Variants in GABBR2 observed in about 807,000 individuals in gnomAD.
The protein encoded by GABBR2 is gamma-aminobutyric acid type B receptor subunit 2.
A neutral mutation model predicts 105.6 loss-of-function variants in GABBR2; 23 were observed. The ratio of observed to expected loss-of-function variants is 0.22; its 90% CI spans 0.16 to 0.31. The LOEUF (loss-of-function observed/expected upper bound fraction) is 0.31. Ranked by LOEUF, GABBR2 falls within the 10% of genes least tolerant of loss-of-function variation. GABBR2 has a pLI of 1.00. For missense variants in GABBR2, 734 were observed against 1,245.5 expected (o/e 0.59, Z 6.18); for synonymous variants, 478 against 499.7 (o/e 0.96, Z 0.58).
intron 7 of GABBR2, among the ~76,000 whole-genome samples, chr9:98,410,120 A>ATTTTTTTTTTTTTT (rs564055730): frequency 7.5e-5 from 11 of 147,324 alleles, no homozygotes; most frequent in African/African-American, 2.8e-4. Context: ...TTGAGCTGGA[A>ATTTTTTTTTTTTTT]TTTTTTTTTT....
chr9:98,455,538 A>ATTGG (rs564259448), intron 6 of GABBR2, among the ~76,000 whole-genome samples: 1 of 152,240 alleles, frequency 6.6e-6, no homozygotes, highest in Non-Finnish European at 1.5e-5. Flanking sequence ...GACATGTCCA[A>ATTGG]GGTTACACAG....
chr9:98,305,974 A>C (rs556466964), intron 15 of GABBR2, 147 bp downstream of exon 15: 2 of 636,546 alleles, frequency 3.1e-6, no homozygotes, highest in South Asian at 4.0e-5. Flanking sequence ...ACTACTGTGC[A>C]TTTTCTGAAT....
chr9:98,293,106 C>T lies in GABBR2; in HGVS notation c.2660+679G>A, dbSNP rs1056789573. Among the ~76,000 whole-genome samples the T allele has an allele frequency of 3.9e-5, 6 of 152,148 alleles. No individual in the cohort carries two copies. In the East Asian group the frequency reaches 1.2e-3, roughly 29 times the overall value. The stretch of plus-strand genomic sequence containing the variant: ...CTCATTGCTTGTCACTTCCAGAGGC[C>T]AAGTTTCAAAGTTTGTATTTCCAGC... On this transcript the variant is annotated intron_variant, in intron 18 of 18. Transcript: ENST00000259455.
rs757643446 is a variant in GABBR2, at chr9:98,362,678, T to A, written c.1893+37A>T. On this transcript the variant is annotated intron_variant, in intron 13 of 18. Transcript: ENST00000259455. ...CTGTCCTCATGTGCCAGGGGCTGCA[T>A]CTGCAGGCTTCCCTCCTGCCGGCAT... is the stretch of plus-strand genomic sequence containing the variant. 3.4e-6 allele frequency: 5 copies of A among 1,465,994 alleles called. No individual in the cohort carries two copies. In the South Asian group the frequency reaches 6.3e-5, roughly 18 times the overall value. 90.8% of individuals were successfully genotyped at this position (1,465,994 alleles called of 1,614,324 possible). A position where few individuals can be genotyped will look rare whatever the true frequency, so the allele number is the denominator to read the frequency against.
At chr9:98,580,946 T>G (rs1261624090) in intron 1 of GABBR2, 2 of 152,336 alleles carry the variant, frequency 1.3e-5, no homozygotes, top group African/African-American at 4.8e-5. Flanking sequence ...GACCGCTATA[T>G]GGGAGCAGAG....
chr9:98,596,848 G>A (rs1829243011), intron 1 of GABBR2, among the ~76,000 whole-genome samples: 1 of 152,152 alleles, frequency 6.6e-6, no homozygotes, highest in Non-Finnish European at 1.5e-5. Context: ...GCAGGCAGCA[G>A]GTAAGACCTC....
intron 1 of GABBR2, among the ~76,000 whole-genome samples, chr9:98,609,321 T>G (rs910129505): frequency 6.6e-6 from 1 of 152,194 alleles, no homozygotes; most frequent in Admixed American, 6.5e-5. Flanking sequence ...ACAGTCATCT[T>G]GCAGTTGGCA....
intron 1 of GABBR2, among the ~76,000 whole-genome samples, chr9:98,604,025 G>C (rs545119048): frequency 6.6e-6 from 1 of 152,332 alleles, no homozygotes; most frequent in African/African-American, 2.4e-5. Context: ...GGTTTTGACA[G>C]CTGGAAGCTG....
intron 2 of GABBR2, among the ~76,000 whole-genome samples, chr9:98,557,539 G>A (rs1828607850): frequency 6.6e-6 from 1 of 152,086 alleles, no homozygotes; most frequent in Admixed American, 6.6e-5. Flanking sequence ...TCAAAATCTT[G>A]CAAAGTACTG....
At position 98,624,197 on chromosome 9, in the gene GABBR2, A is replaced by G. The variant is rs964382198; in HGVS notation, c.322-46125T>C. 2.0e-5 allele frequency among the ~76,000 whole-genome samples: 3 copies of G among 152,218 alleles called. No homozygotes were observed. The East Asian group carries it at 5.8e-4, about 29-fold the overall frequency. On this transcript the variant is annotated intron_variant, in intron 1 of 18. Coordinates refer to ENST00000259455, the MANE Select transcript of GABBR2 (RefSeq NM_005458.8). Reference sequence around the variant, plus strand: ...TGGACCAGGTCCTGAGGGGTGTGCAATGTGAGCCCCACGAAGATCTGGCCT... The same window carrying G: ...TGGACCAGGTCCTGAGGGGTGTGCAGTGTGAGCCCCACGAAGATCTGGCCT...
intron 2 of GABBR2, among the ~76,000 whole-genome samples, chr9:98,566,276 C>T (rs1042185254): frequency 6.6e-6 from 1 of 152,118 alleles, no homozygotes; most frequent in Non-Finnish European, 1.5e-5. Context: ...GATCTTGATA[C>T]TCATGAAGTT....
intron 1 of GABBR2, among the ~76,000 whole-genome samples, chr9:98,642,177 T>C (rs1458504257): frequency 1.3e-5 from 2 of 152,120 alleles, no homozygotes; most frequent in Non-Finnish European, 2.9e-5. Flanking sequence ...AAATAGTTCA[T>C]CAACAACCAA....
At chr9:98,323,020 C>T (rs1203231117) in intron 13 of GABBR2, among the ~76,000 whole-genome samples, 1 of 152,100 alleles carries the variant, frequency 6.6e-6, no homozygotes, top group Non-Finnish European at 1.5e-5. Context: ...AATCAACCAC[C>T]GCAGACACGA....
rs564524589 is a variant in GABBR2 at position 98,610,369 on chromosome 9, A to C, written c.322-32297T>G. Among the ~76,000 whole-genome samples the C allele has an allele frequency of 3.9e-5, 6 of 152,326 alleles. No homozygotes were observed. In the East Asian group the frequency reaches 1.2e-3, roughly 29 times the overall value. ...CTGCACTACGTGAGGGCTCACTTCTATAGTCAGGTCCTTAGCACTGCGCTG... is the reference window on the plus strand; with the variant it reads ...CTGCACTACGTGAGGGCTCACTTCTCTAGTCAGGTCCTTAGCACTGCGCTG... On this transcript the variant is annotated intron_variant, in intron 1 of 18. Coordinates refer to ENST00000259455, the MANE Select transcript of GABBR2 (RefSeq NM_005458.8).
At chr9:98,612,034 C>T (rs1250817290) in intron 1 of GABBR2, among the ~76,000 whole-genome samples, 1 of 152,210 alleles carries the variant, frequency 6.6e-6, no homozygotes, top group Non-Finnish European at 1.5e-5. Context: ...TGGGCCCTGC[C>T]CAGGAAGAGA....
intron 1 of GABBR2, among the ~76,000 whole-genome samples, chr9:98,702,798 G>T (rs337559): frequency 0.7 from 106,908 of 152,052 alleles, 38,938 homozygotes; most frequent in Middle Eastern, 0.84. Flanking sequence ...TTCTCTTAAT[G>T]CCCCTGGCTT....
intron 13 of GABBR2, among the ~76,000 whole-genome samples, chr9:98,360,765 T>C (rs1350915558): frequency 6.6e-6 from 1 of 152,184 alleles, no homozygotes; most frequent in Non-Finnish European, 1.5e-5. Context: ...AACGGTCCAG[T>C]AGGACAGGCA....
intron 2 of GABBR2, among the ~76,000 whole-genome samples, chr9:98,568,043 A>C (rs1828775476): frequency 1.3e-5 from 2 of 152,024 alleles, no homozygotes; most frequent in African/African-American, 4.8e-5. Flanking sequence ...TAAGAACAGA[A>C]CCTCTCTTCC....
chr9:98,443,788 A>G (rs1826073995), intron 7 of GABBR2, among the ~76,000 whole-genome samples: 1 of 152,174 alleles, frequency 6.6e-6, no homozygotes, highest in African/African-American at 2.4e-5. Flanking sequence ...ATAGACACAC[A>G]AATAATCCAG....
Sources: gnomAD v4.1 joint callset for allele counts (sites outside exome capture counted in the v4.1 genomes callset) on GRCh38, gnomAD v4.1.1 for gene constraint, MANE v1.5 for transcripts, NCBI Gene and HGNC (gene_info 2026-07-23, HGNC 2026-07-21) for gene names.